The following GPHN variants were observed in gnomAD, a reference collection of about 807,000 sequenced individuals.
The protein encoded by GPHN is gephyrin.
Under a neutral mutation model 95.5 loss-of-function variants are expected in GPHN, and 17 were observed. That is an observed-to-expected ratio of 0.18 (90% CI 0.12 to 0.27). The LOEUF (loss-of-function observed/expected upper bound fraction) is 0.27. Ranked by LOEUF, GPHN falls within the 10% of genes least tolerant of loss-of-function variation. The pLI is 1.00. For missense variants in GPHN, 660 were observed against 978.1 expected, an observed-to-expected ratio of 0.67 and a Z score of 4.34; for synonymous variants, 320 against 322.5, an observed-to-expected ratio of 0.99 and a Z score of 0.08.
At chr14:66,572,723 TC>T (rs1315423430) in intron 1 of GPHN, among the ~76,000 whole-genome samples, 2 of 152,144 alleles carry the variant, frequency 1.3e-5, no homozygotes, top group Admixed American at 6.5e-5. Flanking sequence ...TATAACTTCT[TC>T]CTTTCCAATT....
chr14:67,120,935 G>A (rs1399898644), intron 16 of GPHN, among the ~76,000 whole-genome samples: 3 of 152,194 alleles, frequency 2.0e-5, no homozygotes, highest in Non-Finnish European at 4.4e-5. Context: ...TAAGGGGACA[G>A]TTGGTTGCAA....
At chr14:67,688,725 T>C in the GPHN span, among the ~76,000 whole-genome samples, 1 of 152,076 alleles carries the variant, frequency 6.6e-6, no homozygotes. Context: ...TGTGAGCCAC[T>C]GTGCCTGACC....
intron 4 of GPHN, among the ~76,000 whole-genome samples, chr14:66,872,458 C>T (rs1463733436): frequency 6.6e-6 from 1 of 152,078 alleles, no homozygotes; most frequent in African/African-American, 2.4e-5. Context: ...TGTATCTTGA[C>T]CATTATACAG....
At chr14:66,702,392 A>G (rs970056606) in intron 2 of GPHN, among the ~76,000 whole-genome samples, 1 of 152,216 alleles carries the variant, frequency 6.6e-6, no homozygotes, top group Non-Finnish European at 1.5e-5. Flanking sequence ...GAGCGATCCT[A>G]CTGGCATCAG....
chr14:66,738,560 T>C (rs540608126), intron 2 of GPHN, among the ~76,000 whole-genome samples: 1 of 152,276 alleles, frequency 6.6e-6, no homozygotes, highest in East Asian at 1.9e-4. Context: ...AGAAATAGAT[T>C]GATGCAGACA....
chr14:67,352,859 AAATGCCAAGGGCC>A, the GPHN span: 1 of 1,109,596 alleles, frequency 9.0e-7, no homozygotes, highest in Admixed American at 2.4e-5. Context: ...ACAAAAAAAA[AAATGCCAAGGGCC>A]ATGCTGGATT....
intron 1 of GPHN, among the ~76,000 whole-genome samples, chr14:66,669,362 CT>C (rs1212567462): frequency 1.7e-5 from 2 of 117,036 alleles, no homozygotes; most frequent in Non-Finnish European, 3.1e-5. Flanking sequence ...GAAACTCTGT[CT>C]CAAAAAAAAA....
chr14:66,904,303 A>T (rs1465697886), intron 5 of GPHN, among the ~76,000 whole-genome samples: 1 of 152,010 alleles, frequency 6.6e-6, no homozygotes, highest in African/African-American at 2.4e-5. Context: ...GCCAGCTTTT[A>T]TTCCCTTATT....
chr14:67,063,375 A>T (rs145805890), intron 11 of GPHN, among the ~76,000 whole-genome samples: 23 of 152,248 alleles, frequency 1.5e-4, no homozygotes, highest in Non-Finnish European at 3.1e-4. Context: ...TGATGCTTCC[A>T]GCTTTGTTAT....
At chr14:66,809,697 G>A (rs988978774) in intron 3 of GPHN, among the ~76,000 whole-genome samples, 1 of 152,104 alleles carries the variant, frequency 6.6e-6, no homozygotes, top group African/African-American at 2.4e-5. Flanking sequence ...TATTTGTTCA[G>A]TGTTAATGAT....
chr14:67,533,942 G>A, the GPHN span, among the ~76,000 whole-genome samples: 1 of 152,162 alleles, frequency 6.6e-6, no homozygotes, highest in South Asian at 2.1e-4. Flanking sequence ...GGGCCTTAGT[G>A]GGGGTGGCAG....
At chr14:67,674,588 A>T in the GPHN span, 1 of 970,354 alleles carries the variant, frequency 1.0e-6, no homozygotes, top group Non-Finnish European at 1.4e-6. Context: ...CATAACGGCG[A>T]CCGCCGCACC....
At chr14:67,522,255 G>T in the GPHN span, among the ~76,000 whole-genome samples, 1 of 152,276 alleles carries the variant, frequency 6.6e-6, no homozygotes, top group Non-Finnish European at 1.5e-5. Flanking sequence ...CCCCGTACCC[G>T]CTCCTCTCCC....
chr14:67,589,287 AG>A, the GPHN span: 28 of 936,292 alleles, frequency 3.0e-5, no homozygotes, highest in Non-Finnish European at 3.6e-5. Context: ...CTTATACAGA[AG>A]AAACTAACTT....
At chr14:67,171,704 GA>G (rs375504335) in intron 21 of GPHN, among the ~76,000 whole-genome samples, 3 of 151,738 alleles carry the variant, frequency 2.0e-5, no homozygotes, top group African/African-American at 7.3e-5. Context: ...GCATTTTAAT[GA>G]AAAAAAACTG....
chr14:67,115,370 A>G (rs2078619339), intron 16 of GPHN, among the ~76,000 whole-genome samples: 1 of 152,240 alleles, frequency 6.6e-6, no homozygotes, highest in Non-Finnish European at 1.5e-5. Flanking sequence ...CACTTAATGT[A>G]GCAAGGCCAT....
chr14:67,294,192 GT>G, the GPHN span, among the ~76,000 whole-genome samples: 3 of 152,254 alleles, frequency 2.0e-5, no homozygotes, highest in African/African-American at 7.2e-5. Context: ...TTTTCTGAAA[GT>G]TTGCTTTCAC....
chr14:66,872,890 C>CAA (rs371975715), intron 4 of GPHN, among the ~76,000 whole-genome samples: 22 of 89,074 alleles, frequency 2.5e-4, no homozygotes, highest in African/African-American at 7.4e-4. Flanking sequence ...AACTTTGTCC[C>CAA]AAAAAAAAAA....
At chr14:67,076,504 C>G (rs1482817373) in intron 11 of GPHN, among the ~76,000 whole-genome samples, 2 of 152,062 alleles carry the variant, frequency 1.3e-5, no homozygotes, top group Non-Finnish European at 2.9e-5. Flanking sequence ...CATGCTTCAC[C>G]TTTCATAGTA....
Sources: gnomAD v4.1 joint callset for allele counts (sites outside exome capture counted in the v4.1 genomes callset) on GRCh38, gnomAD v4.1.1 for gene constraint, MANE v1.5 for transcripts, NCBI Gene and HGNC (gene_info 2026-07-23, HGNC 2026-07-21) for gene names.